Variants in ZYG11A observed in about 807,000 individuals in gnomAD.
ZYG11A encodes zyg-11 family member A, cell cycle regulator, also known as protein zyg-11 homolog A.
In ZYG11A, 62 loss-of-function variants were observed where a neutral mutation model predicts 77.2. The observed-to-expected ratio is 0.80, with a 90% CI of 0.65 to 0.99. The LOEUF (loss-of-function observed/expected upper bound fraction) is 0.99, where lower values mean the gene tolerates loss of function less well. ZYG11A is among the 50% of genes least tolerant of loss of function. The pLI is 0.00. For missense variants in ZYG11A, 828 were observed against 896.8 expected (o/e 0.92, Z 0.98); for synonymous variants, 315 against 324.6 (o/e 0.97, Z 0.32).
intron 8 of ZYG11A, among the ~76,000 whole-genome samples, chr1:52,872,470 G>A (rs1646184557): frequency 6.6e-6 from 1 of 152,102 alleles, no homozygotes; most frequent in Non-Finnish European, 1.5e-5. Flanking sequence ...TGATGGAGAT[G>A]TACAAGCAAG....
In ZYG11A at chr1:52,867,885, TCTGTAAGA is replaced by T. The variant is rs774064830; in HGVS notation, c.1542+111_1542+118del. On this transcript the variant is annotated intron_variant, in intron 8 of 13. Transcript: ENST00000371528. ...CCAAAAGGCCTATTAAGGTGAGAAA[TCTGTAAGA>T]CTTTCTCCCCAGAAGAAACTTTCTA... 16 of 832,308 alleles carry T rather than the reference TCTGTAAGA, an allele frequency of 1.9e-5. 1 individual carries two copies. In the Middle Eastern group the frequency reaches 9.8e-4, roughly 51 times the overall value. The allele number at this position is 832,308 out of a possible 1,614,324, so 51.6% of individuals were successfully genotyped here.
In ZYG11A at chr1:52,860,808, A is replaced by C; in HGVS notation, c.1086A>C (p.Glu362Asp). ...GGAACAGATCATGTTTTGTGAAGGA[A>C]GCCCTCCACAGGCTGTTCACAGAGA... ...RYRNRSCFVK[E>D]ALHRLFTETF... The change falls in exon 4 of 14, where the codon GAA becomes GAC. Residue 362 changes from glutamate to aspartate, a missense_variant. Transcript: ENST00000371528. The C allele has an allele frequency of 6.4e-7, 1 of 1,551,568 alleles. No individual in the cohort carries two copies. Among genetic ancestry groups the C allele is most frequent in the African/African-American group, 1.4e-5 (1 of 73,186 alleles).
At chr1:52,859,667 CTTTTT>C (rs60756718) in intron 3 of ZYG11A, among the ~76,000 whole-genome samples, 590 of 42,884 alleles carry the variant, frequency 0.014, 35 homozygotes, top group African/African-American at 0.044. Context: ...TGTGTATTGC[CTTTTT>C]TTTTTTTTTT....
At chr1:52,854,126 T>G (rs1003060358) in intron 1 of ZYG11A, among the ~76,000 whole-genome samples, 1 of 152,084 alleles carries the variant, frequency 6.6e-6, no homozygotes, top group Non-Finnish European at 1.5e-5. Context: ...TTAGAAATGA[T>G]TTGTAGTATA....
intron 11 of ZYG11A, among the ~76,000 whole-genome samples, chr1:52,885,368 A>AT (rs375808701): frequency 0.014 from 2,092 of 146,108 alleles, 63 homozygotes; most frequent in African/African-American, 0.051. Context: ...TGCCCGGCTA[A>AT]TTTTTTTTTG....
At position 52,860,798 on chromosome 1, in the gene ZYG11A, T is replaced by G; in HGVS notation, c.1076T>G (p.Phe359Cys). The change falls in exon 4 of 14, where the codon TTT (phenylalanine) becomes TGT (cysteine). Residue 359 changes from phenylalanine to cysteine, a missense_variant. Phe to Cys is a radical substitution (Grantham distance 205). Transcript: ENST00000371528. ...ALSRYRNRSC[F>C]VKEALHRLFT... is the part of the protein sequence containing the mutation. ...AGCCGATACAGGAACAGATCATGTT[T>G]TGTGAAGGAAGCCCTCCACAGGCTG... 2 of 1,551,654 alleles carry G rather than the reference T, an allele frequency of 1.3e-6. No homozygotes were observed. Among genetic ancestry groups the G allele is most frequent in the Non-Finnish European group, 1.7e-6 (2 of 1,146,944 alleles).
intron 13 of ZYG11A, among the ~76,000 whole-genome samples, chr1:52,887,436 T>C (rs1033681015): frequency 6.6e-5 from 10 of 152,168 alleles, no homozygotes; most frequent in African/African-American, 2.2e-4. Flanking sequence ...TATAGCTTGG[T>C]CTTTTCACTC....
intron 1 of ZYG11A, among the ~76,000 whole-genome samples, chr1:52,845,635 AT>A (rs34141053): frequency 0.49 from 68,462 of 139,194 alleles, 17,214 homozygotes; most frequent in Non-Finnish European, 0.6. Flanking sequence ...TTATTTTTGA[AT>A]TTTTTTTTTT....
At position 52,893,313 on chromosome 1, in the gene ZYG11A, G is replaced by A. The variant is rs1007586952; in HGVS notation, c.*356G>A. On this transcript the variant is annotated 3_prime_UTR_variant, in exon 14 of 14. Coordinates refer to ENST00000371528, the MANE Select transcript of ZYG11A (RefSeq NM_001004339.3). ...GGGACCTGTTCACTAGAAGAGAAAG[G>A]AAACCTACAGGGAGACTTTGATATT... is the stretch of plus-strand genomic sequence containing the variant. 1.6e-5 allele frequency: 3 copies of A among 183,384 alleles called. No homozygotes were observed. The highest frequency in any genetic ancestry group is 1.1e-4 in the Admixed American group (2 of 18,530). 11.4% of individuals were successfully genotyped at this position (183,384 alleles called of 1,614,324 possible). A position where few individuals can be genotyped will look rare whatever the true frequency, so the allele number is the denominator to read the frequency against.
At chr1:52,881,859 C>T in intron 11 of ZYG11A, 194 bp downstream of exon 11, 1 of 455,472 alleles carries the variant, frequency 2.2e-6, no homozygotes, top group Non-Finnish European at 3.8e-6. Context: ...GGTCCTCTTT[C>T]TCATCAGCTT....
chr1:52,892,528 CA>C (rs1254292569), intron 13 of ZYG11A, among the ~76,000 whole-genome samples: 45 of 131,562 alleles, frequency 3.4e-4, no homozygotes, highest in East Asian at 4.4e-4. Flanking sequence ...AACTCTGTCT[CA>C]AAAAAAAAAA....
Position 52,869,937 on chromosome 1 carries a change from C to G in ZYG11A, c.1542+2160C>G, listed in dbSNP as rs181061442. Among the ~76,000 whole-genome samples the G allele has an allele frequency of 2.2e-3, 318 of 142,176 alleles. 12 individuals carry two copies. In the East Asian group the frequency reaches 0.057, roughly 25 times the overall value. The allele number at this position is 142,176 out of a possible 152,430, so 93.3% of individuals were successfully genotyped here. A position where few individuals can be genotyped will look rare whatever the true frequency, so the allele number is the denominator to read the frequency against. On this transcript the variant is annotated intron_variant, in intron 8 of 13. Coordinates refer to ENST00000371528, the MANE Select transcript of ZYG11A (RefSeq NM_001004339.3). Reference sequence around the variant, plus strand: ...ACCCCCCCCACACCTCCCTCCCAGACAGGGTGGCTGGCCGGGCGGGGGGCT... The same window carrying G: ...ACCCCCCCCACACCTCCCTCCCAGAGAGGGTGGCTGGCCGGGCGGGGGGCT...
At position 52,893,916 on chromosome 1, in the gene ZYG11A, A is replaced by G. The variant is rs1571890706; in HGVS notation, c.*959A>G. ...AACCTCTGCCTCCCAGGTTCCAGCA[A>G]TTCTCCTGCCTCAGCCTCCTGAGTA... On this transcript the variant is annotated 3_prime_UTR_variant, in exon 14 of 14. Transcript: ENST00000371528. 6.7e-6 allele frequency: 1 copy of G among 149,190 alleles called. No individual in the cohort carries two copies. The highest frequency in any genetic ancestry group is 2.1e-4 in the South Asian group (1 of 4,736). 9.2% of individuals were successfully genotyped at this position (149,190 alleles called of 1,614,324 possible). A position where few individuals can be genotyped will look rare whatever the true frequency, so the allele number is the denominator to read the frequency against.
intron 8 of ZYG11A, among the ~76,000 whole-genome samples, chr1:52,876,195 T>C (rs1557450882): frequency 6.6e-6 from 1 of 152,204 alleles, no homozygotes; most frequent in Non-Finnish European, 1.5e-5. Context: ...TAAAGTAGTA[T>C]TGACAAATAC....
chr1:52,871,277 A>G (rs1158989704), intron 8 of ZYG11A, among the ~76,000 whole-genome samples: 4 of 152,214 alleles, frequency 2.6e-5, no homozygotes, highest in Admixed American at 2.6e-4. Context: ...TGTAGCCACC[A>G]CATTCAGCCT....
Position 52,854,613 on chromosome 1 carries a change from G to A in ZYG11A, c.239G>A (p.Arg80Lys). The A allele has an allele frequency of 6.5e-7, 1 of 1,541,634 alleles. No homozygotes were observed. Among genetic ancestry groups the A allele is most frequent in the Non-Finnish European group, 8.8e-7 (1 of 1,139,372 alleles). ...FPQEVAERFLRVMTWQGKLTD... is the reference protein window; with the variant it reads ...FPQEVAERFLKVMTWQGKLTD... Reference sequence around the variant, plus strand: ...CAGGAAGTAGCCGAGCGATTTCTCAGGGTGATGACTTGGCAAGGTAGTGAT... The same window carrying A: ...CAGGAAGTAGCCGAGCGATTTCTCAAGGTGATGACTTGGCAAGGTAGTGAT... The change falls in exon 2 of 14, where the codon AGG becomes AAG. Residue 80 changes from arginine (R) to lysine (K), a missense_variant. Coordinates refer to ENST00000371528, the MANE Select transcript of ZYG11A (RefSeq NM_001004339.3).
intron 1 of ZYG11A, among the ~76,000 whole-genome samples, chr1:52,843,180 G>A (rs576018473): frequency 7.0e-5 from 10 of 142,172 alleles, no homozygotes; most frequent in African/African-American, 2.3e-4. Context: ...GCCGCGGAGC[G>A]GGGGGTGCTT....
intron 8 of ZYG11A, among the ~76,000 whole-genome samples, chr1:52,873,014 C>T (rs569289913): frequency 1.3e-5 from 2 of 152,116 alleles, no homozygotes; most frequent in South Asian, 4.2e-4. Context: ...AGAAAGGATT[C>T]ACCATTCTAG....
At chr1:52,890,891 A>G (rs561940535) in intron 13 of ZYG11A, among the ~76,000 whole-genome samples, 3 of 151,672 alleles carry the variant, frequency 2.0e-5, no homozygotes, top group Admixed American at 2.0e-4. Flanking sequence ...AACTGGGTCT[A>G]AATCTTTTTC....
Sources: gnomAD v4.1 joint callset for allele counts (sites outside exome capture counted in the v4.1 genomes callset) on GRCh38, gnomAD v4.1.1 for gene constraint, MANE v1.5 for transcripts, NCBI Gene and HGNC (gene_info 2026-07-23, HGNC 2026-07-21) for gene names.